The following GMCL1 variants were observed in gnomAD, a reference collection of about 807,000 sequenced individuals.
GMCL1 encodes the protein germ cell-less 1, spermatogenesis associated.
GMCL1 carries 54 observed loss-of-function variants against 75.5 expected under a neutral mutation model. The ratio of observed to expected loss-of-function variants is 0.71; its 90% CI spans 0.57 to 0.90. GMCL1 has a LOEUF of 0.90. Ranked by LOEUF, GMCL1 falls within the 40% of genes least tolerant of loss-of-function variation. The probability of loss-of-function intolerance (pLI) is 0.00; values close to 1 mark genes in which losing one functional copy is unlikely to be tolerated. For synonymous variants in GMCL1, 210 were observed against 209.6 expected (o/e 1.00, Z -0.02); for missense variants, 537 against 622.7 (o/e 0.86, Z 1.47).
chr2:69,832,601 G>A (rs1016806124), intron 1 of GMCL1, among the ~76,000 whole-genome samples: 1 of 152,188 alleles, frequency 6.6e-6, no homozygotes, highest in African/African-American at 2.4e-5. Flanking sequence ...ATGTCTGAAT[G>A]ATATCTTATT....
At chr2:69,849,020 T>G (rs1675234036) in intron 7 of GMCL1, among the ~76,000 whole-genome samples, 1 of 152,196 alleles carries the variant, frequency 6.6e-6, no homozygotes, top group Admixed American at 6.5e-5. Context: ...GTTAGTAGAA[T>G]AAATTAGTAT....
intron 10 of GMCL1, among the ~76,000 whole-genome samples, chr2:69,861,626 GATTTTC>G (rs1675650716): frequency 6.6e-6 from 1 of 152,062 alleles, no homozygotes; most frequent in Middle Eastern, 3.2e-3. Context: ...AGTATCATAT[GATTTTC>G]TTTCAACATA....
At position 69,880,908 on chromosome 2, in the gene GMCL1, T is replaced by C. The variant is rs1447329173; in HGVS notation, c.*1904T>C. ...TATTTTTATATTTGACTACATTAGGTCTTTTTCACGGGAAGCTGTTGTTTT... is the reference window on the plus strand; with the variant it reads ...TATTTTTATATTTGACTACATTAGGCCTTTTTCACGGGAAGCTGTTGTTTT... On this transcript the variant is annotated 3_prime_UTR_variant, in exon 14 of 14. Transcript: ENST00000282570. 1 of 152,008 alleles carries C rather than the reference T, an allele frequency of 6.6e-6. No homozygotes were observed. Among genetic ancestry groups the C allele is most frequent in the Non-Finnish European group, 1.5e-5 (1 of 67,966 alleles). The allele number at this position is 152,008 out of a possible 1,614,324, so 9.4% of individuals were successfully genotyped here.
rs868735941 is a variant in GMCL1, at chr2:69,830,083, C to G, written c.191C>G (p.Pro64Arg). The change falls in exon 1 of 14, where the codon CCT becomes CGT. Residue 64 changes from proline (P) to arginine (R), a missense_variant. Pro to Arg is a moderately radical substitution (Grantham distance 103, BLOSUM62 -2). This residue lies in a region of GMCL1 where 144 missense variants were observed against 127.2 expected (regional missense o/e 1.13). Coordinates refer to ENST00000282570, the MANE Select transcript of GMCL1 (RefSeq NM_178439.5). ...AGCGGGTCCTTCTGCTACTGTCACC[C>G]TGACTCGGAGACGGACGAGGATGAG... Reference protein sequence around the residue: ...RSSGSFCYCHPDSETDEDEEE... With the variant: ...RSSGSFCYCHRDSETDEDEEE... The G allele has an allele frequency of 6.3e-7, 1 of 1,577,228 alleles. No individual in the cohort carries two copies.
At chr2:69,868,697 G>A (rs1029511999) in intron 11 of GMCL1, among the ~76,000 whole-genome samples, 46 of 150,548 alleles carry the variant, frequency 3.1e-4, no homozygotes, top group African/African-American at 1.1e-3. Context: ...ACAGGCGTGA[G>A]CCACCACACC....
Position 69,830,021 on chromosome 2 carries a change from C to G in GMCL1, c.129C>G (p.Phe43Leu), listed in dbSNP as rs747612852. 1.7e-5 allele frequency: 26 copies of G among 1,564,052 alleles called. No homozygotes were observed. In the South Asian group the frequency reaches 2.9e-4, roughly 18 times the overall value. ...GAGACGATGCGGCGGGCCACGGATT[C>G]TGTTACTGTGCGGGCAGCCACAAGC... ...DTGDDAAGHG[F>L]CYCAGSHKRK... Residue 43 changes from phenylalanine (F) to leucine (L), a missense_variant, in exon 1 of 14, where the codon TTC becomes TTG. Physicochemically the swap from Phe to Leu is conservative, Grantham distance 22. Transcript: ENST00000282570.
At chr2:69,854,248 C>T (rs1050133027) in intron 8 of GMCL1, among the ~76,000 whole-genome samples, 1 of 151,730 alleles carries the variant, frequency 6.6e-6, no homozygotes, top group Non-Finnish European at 1.5e-5. Flanking sequence ...CTCCTGGGCT[C>T]AAGCAATCTT....
intron 9 of GMCL1, among the ~76,000 whole-genome samples, chr2:69,859,223 T>C (rs1316381972): frequency 2.0e-5 from 3 of 151,836 alleles, no homozygotes; most frequent in African/African-American, 7.3e-5. Flanking sequence ...TCTGACTCTT[T>C]CATTCCAATT....
At position 69,854,217 on chromosome 2, in the gene GMCL1, A is replaced by G. The variant is rs563325628; in HGVS notation, c.935-606A>G. Among the ~76,000 whole-genome samples, 230 of 151,528 alleles carry G rather than the reference A, an allele frequency of 1.5e-3. 1 individual carries two copies. The highest frequency in any genetic ancestry group is 6.8e-3 in the Middle Eastern group (2 of 294). On this transcript the variant is annotated intron_variant, in intron 8 of 13. Transcript: ENST00000282570. ...CAGGCTGGAGTGCAGTGGTGCAATCATAGCTCACTGCAAGCTGAAACTCCT... is the reference window on the plus strand; with the variant it reads ...CAGGCTGGAGTGCAGTGGTGCAATCGTAGCTCACTGCAAGCTGAAACTCCT...
chr2:69,835,269 G>A (rs1674786384), intron 1 of GMCL1, among the ~76,000 whole-genome samples: 1 of 152,008 alleles, frequency 6.6e-6, no homozygotes, highest in Non-Finnish European at 1.5e-5. Flanking sequence ...CAGTAATCAT[G>A]TCTTTAGTCT....
intron 5 of GMCL1, 50 bp from the exon 6 acceptor site, chr2:69,844,081 A>G: frequency 2.3e-6 from 2 of 881,596 alleles, no homozygotes; most frequent in South Asian, 3.8e-5. Flanking sequence ...CTACTTAATA[A>G]ATTGTAAATA....
Position 69,879,119 on chromosome 2 carries a change from T to C in GMCL1, c.*115T>C, listed in dbSNP as rs1476322027. On this transcript the variant is annotated 3_prime_UTR_variant, in exon 14 of 14. Coordinates refer to ENST00000282570, the MANE Select transcript of GMCL1 (RefSeq NM_178439.5). The stretch of plus-strand genomic sequence containing the variant: ...TTTAATGGCCCTACTGATATTCACA[T>C]CGAAGGTGACTAACAATGACAAAGG... 1.5e-6 allele frequency: 1 copy of C among 649,894 alleles called. No individual in the cohort carries two copies. Among genetic ancestry groups the C allele is most frequent in the Non-Finnish European group, 2.8e-6 (1 of 362,290 alleles). 40.3% of individuals were successfully genotyped at this position (649,894 alleles called of 1,614,324 possible).
At chr2:69,861,088 C>A (rs959631732) in intron 9 of GMCL1, among the ~76,000 whole-genome samples, 190 bp from the exon 10 acceptor site, 1 of 152,152 alleles carries the variant, frequency 6.6e-6, no homozygotes, top group African/African-American at 2.4e-5. Context: ...GGTGATCCAC[C>A]TGCCTTGGCC....
chr2:69,852,688 G>T (rs184305930), intron 8 of GMCL1, among the ~76,000 whole-genome samples: 2 of 152,100 alleles, frequency 1.3e-5, no homozygotes, highest in East Asian at 3.9e-4. Context: ...ACAGGTGCAT[G>T]CCACCACACC....
At chr2:69,864,124 G>A (rs1344480772) in intron 10 of GMCL1, among the ~76,000 whole-genome samples, 1 of 151,822 alleles carries the variant, frequency 6.6e-6, no homozygotes, top group Non-Finnish European at 1.5e-5. Context: ...TTTATGTCTA[G>A]TTCCCTACTG....
chr2:69,829,739 A>T lies in GMCL1; in HGVS notation c.-154A>T, dbSNP rs923896644. On this transcript the variant is annotated 5_prime_UTR_variant, in exon 1 of 14. It removes an upstream start codon present in the reference 5' UTR. Transcript: ENST00000282570. Reference sequence around the variant, plus strand: ...CCGGACGCTGCGGGCGGGGAAGAGGATGGAGACTGTGGCGTCCGCTGCAAC... The same window carrying T: ...CCGGACGCTGCGGGCGGGGAAGAGGTTGGAGACTGTGGCGTCCGCTGCAAC... 1 of 826,992 alleles carries T rather than the reference A, an allele frequency of 1.2e-6. No homozygotes were observed. The highest frequency in any genetic ancestry group is 1.9e-5 in the South Asian group (1 of 53,720). 51.2% of individuals were successfully genotyped at this position (826,992 alleles called of 1,614,324 possible).
At chr2:69,845,546 A>T (rs1675117198) in intron 6 of GMCL1, among the ~76,000 whole-genome samples, 1 of 152,208 alleles carries the variant, frequency 6.6e-6, no homozygotes. Flanking sequence ...AGTAGCAGGG[A>T]TTATAGGCAC....
In GMCL1 at chr2:69,844,078, A is replaced by G. The variant is rs577123182; in HGVS notation, c.693-53A>G. On this transcript the variant is annotated intron_variant, in intron 5 of 13. Transcript: ENST00000282570. ...TTATTTTAACTATAAGTCCTACTTA[A>G]TAAATTGTAAATACATGGCATATAA... 2.5e-4 allele frequency: 216 copies of G among 865,114 alleles called. 1 individual carries two copies. The South Asian group carries it at 4.0e-3, about 16-fold the overall frequency. The allele number at this position is 865,114 out of a possible 1,614,324, so 53.6% of individuals were successfully genotyped here.
chr2:69,848,023 T>G (rs961596716), intron 7 of GMCL1, among the ~76,000 whole-genome samples: 1 of 152,222 alleles, frequency 6.6e-6, no homozygotes, highest in Admixed American at 6.5e-5. Context: ...TTTAAAGGCC[T>G]GTTTGTGTGT....
Sources: allele counts gnomAD v4.1 joint callset (sites outside exome capture counted in the v4.1 genomes callset), GRCh38; gene constraint gnomAD v4.1.1; regional missense constraint gnomAD v4.1.1; transcripts MANE v1.5; gene names NCBI Gene and HGNC (gene_info 2026-07-23, HGNC 2026-07-21).